FRMD6: variants seen among roughly 807,000 people sequenced by gnomAD.
FRMD6 encodes FERM domain-containing protein 6.
Under a neutral mutation model 73.2 loss-of-function variants are expected in FRMD6, and 37 were observed. That is an observed-to-expected ratio of 0.51 (90% confidence interval 0.39 to 0.66). The LOEUF is 0.66. FRMD6 is among the 30% of genes least tolerant of loss of function. The probability of loss-of-function intolerance (pLI) is 0.00; values close to 1 mark genes in which losing one functional copy is unlikely to be tolerated. For synonymous variants in FRMD6, 273 were observed against 282.2 expected (o/e 0.97, Z 0.33); for missense variants, 714 against 780.5 (o/e 0.91, Z 1.02).
chr14:51,662,671 G>A (rs1327698571), intron 1 of FRMD6, among the ~76,000 whole-genome samples: 1 of 152,162 alleles, frequency 6.6e-6, no homozygotes, highest in Non-Finnish European at 1.5e-5. Context: ...AAGCTTAAAT[G>A]TAAAGCCCCA....
At chr14:51,469,108 T>G in the FRMD6 span, among the ~76,000 whole-genome samples, 20,164 of 151,388 alleles carry the variant, frequency 0.13, 1,511 homozygotes, top group Non-Finnish European at 0.17. Flanking sequence ...GCCCGGCTAA[T>G]TTTTTGTATT....
chr14:51,412,264 G>C, the FRMD6 span, among the ~76,000 whole-genome samples: 11 of 152,168 alleles, frequency 7.2e-5, no homozygotes, highest in Non-Finnish European at 1.5e-4. Context: ...TTGTTCAAGT[G>C]TGTCTCTTGG....
chr14:51,590,003 G>C (rs980231039), intron 2 of FRMD6, among the ~76,000 whole-genome samples: 5 of 147,336 alleles, frequency 3.4e-5, no homozygotes, highest in African/African-American at 9.9e-5. Context: ...GTGAGGCGGA[G>C]ATTGCAGCAA....
upstream of FRMD6, among the ~76,000 whole-genome samples, chr14:51,484,698 C>A (rs996716336): frequency 1.3e-5 from 2 of 152,226 alleles, no homozygotes; most frequent in African/African-American, 4.8e-5. Flanking sequence ...TAAATCAAAC[C>A]CCGGCTGGAA....
chr14:51,646,318 C>CAAAAAAAA (rs34495089), intron 2 of FRMD6, among the ~76,000 whole-genome samples: 2 of 69,256 alleles, frequency 2.9e-5, no homozygotes, highest in Non-Finnish European at 5.2e-5. Context: ...ACTCCATATC[C>CAAAAAAAA]AAAAAAAAAA....
At position 51,580,620 on chromosome 14, in the gene FRMD6, TGA is replaced by T. The variant is rs763819714; in HGVS notation, c.-147+10214_-147+10215del. Among the ~76,000 whole-genome samples the T allele has an allele frequency of 3.9e-4, 59 of 152,164 alleles. 1 individual carries two copies. The highest frequency in any genetic ancestry group is 1.3e-3 in the African/African-American group (55 of 41,426). ...TTGAAAATAGGTACCCTTTGATTTT[TGA>T]GAGTTAGAATGTGGAAGCATCGTAA... On this transcript the variant is annotated intron_variant, in intron 2 of 14. Transcript: ENST00000356218.
the FRMD6 span, among the ~76,000 whole-genome samples, chr14:51,446,373 CA>C: frequency 6.6e-6 from 1 of 151,018 alleles, no homozygotes; most frequent in African/African-American, 2.4e-5. Flanking sequence ...TGCTGCTGCC[CA>C]AGAGTATATG....
intron 11 of FRMD6, among the ~76,000 whole-genome samples, chr14:51,720,775 C>T (rs564687977): frequency 1.3e-5 from 2 of 152,250 alleles, no homozygotes; most frequent in East Asian, 3.9e-4. Flanking sequence ...GACCCCTCCC[C>T]ACAAAGTAAA....
At chr14:51,445,949 T>G in the FRMD6 span, among the ~76,000 whole-genome samples, 1 of 152,254 alleles carries the variant, frequency 6.6e-6, no homozygotes, top group Non-Finnish European at 1.5e-5. Context: ...TTTGCATACC[T>G]GTGTTGTAGA....
At chr14:51,707,897 A>G (rs542863478) in intron 6 of FRMD6, among the ~76,000 whole-genome samples, 181 bp from the exon 7 acceptor site, 46 of 152,272 alleles carry the variant, frequency 3.0e-4, no homozygotes, top group Non-Finnish European at 5.7e-4. Context: ...TATAGCTTCT[A>G]GTATTAGCTG....
At chr14:51,446,001 G>A in the FRMD6 span, among the ~76,000 whole-genome samples, 11 of 152,314 alleles carry the variant, frequency 7.2e-5, no homozygotes, top group South Asian at 4.1e-4. Flanking sequence ...AGGCAGAAGC[G>A]TCGAGAGGTT....
chr14:51,686,784 T>G (rs1349430171), intron 1 of FRMD6, among the ~76,000 whole-genome samples: 2 of 152,162 alleles, frequency 1.3e-5, no homozygotes, highest in Non-Finnish European at 2.9e-5. Flanking sequence ...ATGGCTGTTG[T>G]GAGGCTGACT....
intron 1 of FRMD6, among the ~76,000 whole-genome samples, chr14:51,536,076 T>TA (rs1491577427): frequency 7.1e-6 from 1 of 140,836 alleles, no homozygotes; most frequent in Non-Finnish European, 1.5e-5. Context: ...TATATATATA[T>TA]TTTATATATA....
chr14:51,622,534 T>C (rs1006701739), intron 2 of FRMD6, among the ~76,000 whole-genome samples: 7 of 152,186 alleles, frequency 4.6e-5, no homozygotes, highest in African/African-American at 1.7e-4. Flanking sequence ...AGGTTCATTG[T>C]ATGTTTGTGA....
At chr14:51,668,917 C>G (rs1475502759) in intron 1 of FRMD6, among the ~76,000 whole-genome samples, 2 of 152,116 alleles carry the variant, frequency 1.3e-5, no homozygotes, top group East Asian at 3.8e-4. Flanking sequence ...GATCCACCCA[C>G]TTCAGCCTCC....
chr14:51,540,772 G>A (rs981774741), intron 1 of FRMD6, among the ~76,000 whole-genome samples: 2 of 151,930 alleles, frequency 1.3e-5, no homozygotes, highest in African/African-American at 4.8e-5. Context: ...TGAAATAATT[G>A]TTTTGCTGTC....
At chr14:51,554,136 G>A (rs1342598838) in intron 1 of FRMD6, among the ~76,000 whole-genome samples, 1 of 152,030 alleles carries the variant, frequency 6.6e-6, no homozygotes, top group African/African-American at 2.4e-5. Context: ...TATATTCAAA[G>A]GAACACAGGA....
chr14:51,589,804 C>T (rs777036480), intron 2 of FRMD6, among the ~76,000 whole-genome samples: 2 of 152,206 alleles, frequency 1.3e-5, no homozygotes, highest in Non-Finnish European at 1.5e-5. Flanking sequence ...CATGGTGGCT[C>T]ACGCCTGTAA....
At chr14:51,558,718 C>T (rs1234506877) in intron 1 of FRMD6, among the ~76,000 whole-genome samples, 1 of 152,086 alleles carries the variant, frequency 6.6e-6, no homozygotes, top group Admixed American at 6.5e-5. Context: ...TACTATATAA[C>T]ATGTGGTAAC....
Sources: allele counts gnomAD v4.1 joint callset (sites outside exome capture counted in the v4.1 genomes callset), GRCh38; gene constraint gnomAD v4.1.1; transcripts MANE v1.5; gene names NCBI Gene and HGNC (gene_info 2026-07-23, HGNC 2026-07-21).